The following GLIS3 variants were observed in gnomAD, a reference collection of about 807,000 sequenced individuals.
The protein encoded by GLIS3 is GLIS family zinc finger 3.
Under a neutral mutation model 78.6 loss-of-function variants are expected in GLIS3, and 53 were observed. The observed-to-expected ratio is 0.67, with a 90% confidence interval of 0.54 to 0.85. The LOEUF is 0.85. Ranked by LOEUF, GLIS3 falls within the 40% of genes least tolerant of loss-of-function variation. The pLI is 0.00. For missense variants in GLIS3, 1,703 were observed against 1,231.1 expected (o/e 1.38, Z -5.74); for synonymous variants, 684 against 509.9 (o/e 1.34, Z -4.60).
intron 4 of GLIS3, among the ~76,000 whole-genome samples, chr9:4,002,962 C>CAT (rs1339567410): frequency 6.6e-6 from 1 of 152,196 alleles, no homozygotes; most frequent in African/African-American, 2.4e-5. Context: ...GAGCTAAAGC[C>CAT]ATAGTTGCAT....
chr9:4,118,222 C>T lies in GLIS3; in HGVS notation c.1256G>A (p.Gly419Asp), dbSNP rs1488298556. Residue 419 changes from glycine to aspartate, a missense_variant, in exon 4 of 11, where the codon GGC becomes GAC. Transcript: ENST00000381971. This position sits in a 1 kb window ranked among gnomAD's most constrained non-coding sequence, Gnocchi z 4.7. ...NHMVVQHGLP[G>D]PDSQSAGLFK... Reference sequence around the variant, plus strand: ...CAGGCCGGCCGACTGGCTGTCGGGGCCCGGCAGGCCATGCTGCACCACCAT... The same window carrying T: ...CAGGCCGGCCGACTGGCTGTCGGGGTCCGGCAGGCCATGCTGCACCACCAT... 1 of 1,584,978 alleles carries T rather than the reference C, an allele frequency of 6.3e-7. No individual in the cohort carries two copies. The highest frequency in any genetic ancestry group is 8.6e-7 in the Non-Finnish European group (1 of 1,165,980).
At chr9:4,385,929 T>C in the GLIS3 span, among the ~76,000 whole-genome samples, 2 of 152,190 alleles carry the variant, frequency 1.3e-5, no homozygotes, top group African/African-American at 4.8e-5. Context: ...TTACCATCTG[T>C]ACCAATCATG....
intron 2 of GLIS3, among the ~76,000 whole-genome samples, chr9:4,268,308 A>G (rs1826201202): frequency 6.6e-6 from 1 of 152,196 alleles, no homozygotes; most frequent in Non-Finnish European, 1.5e-5. Flanking sequence ...TCTCATTTAA[A>G]AAATTAAAAT....
At chr9:4,103,994 C>G (rs113213449) in intron 4 of GLIS3, among the ~76,000 whole-genome samples, 1,576 of 152,250 alleles carry the variant, frequency 0.01, 30 homozygotes, top group African/African-American at 0.036. Flanking sequence ...CCTTCTTCTA[C>G]TCTTCTCACC....
At chr9:4,456,848 G>A in the GLIS3 span, among the ~76,000 whole-genome samples, 1 of 152,166 alleles carries the variant, frequency 6.6e-6, no homozygotes, top group Non-Finnish European at 1.5e-5. Context: ...GTTTGCTGTT[G>A]TATATGGGCA....
chr9:3,877,834 G>A (rs1821419807), intron 8 of GLIS3, among the ~76,000 whole-genome samples: 1 of 152,004 alleles, frequency 6.6e-6, no homozygotes, highest in African/African-American at 2.4e-5. Context: ...TCTCCTTCCA[G>A]GTTCAGTTAC....
chr9:4,337,172 A>G (rs1355967956), intron 2 of GLIS3, among the ~76,000 whole-genome samples: 2 of 152,258 alleles, frequency 1.3e-5, no homozygotes, highest in African/African-American at 2.4e-5. Flanking sequence ...AGAATCATTA[A>G]AAGTGCAAAT....
At chr9:3,890,487 C>G (rs10814766) in intron 7 of GLIS3, among the ~76,000 whole-genome samples, 143,966 of 152,152 alleles carry the variant, frequency 0.95, 68,643 homozygotes, top group East Asian at 1. Flanking sequence ...AATAATCCAA[C>G]ATTTTAAGCA....
intron 2 of GLIS3, among the ~76,000 whole-genome samples, chr9:4,216,811 G>C (rs1297087554): frequency 6.6e-6 from 1 of 152,170 alleles, no homozygotes; most frequent in African/African-American, 2.4e-5. Flanking sequence ...ATGTGGGGGA[G>C]GGGCTGTCAT....
chr9:4,443,411 T>A, the GLIS3 span, among the ~76,000 whole-genome samples: 1 of 152,140 alleles, frequency 6.6e-6, no homozygotes, highest in East Asian at 1.9e-4. Flanking sequence ...AATCAATGAA[T>A]GAGAACAAAA....
chr9:4,148,519 G>T (rs1834403379), intron 2 of GLIS3, among the ~76,000 whole-genome samples: 2 of 152,008 alleles, frequency 1.3e-5, no homozygotes, highest in Admixed American at 1.3e-4. Flanking sequence ...TGTCTTTTGT[G>T]CTGTGGATCA....
chr9:3,939,308 T>C (rs181492232), intron 4 of GLIS3, among the ~76,000 whole-genome samples: 92 of 152,342 alleles, frequency 6.0e-4, no homozygotes, highest in African/African-American at 2.1e-3. Context: ...AGTTCTACCA[T>C]AGAGGGATTA....
At chr9:4,359,271 G>A in the GLIS3 span, among the ~76,000 whole-genome samples, 1 of 151,752 alleles carries the variant, frequency 6.6e-6, no homozygotes, top group African/African-American at 2.4e-5. Context: ...TCCATTGCTT[G>A]AGTGGCTGGA....
intron 2 of GLIS3, among the ~76,000 whole-genome samples, chr9:4,178,186 T>G (rs1167795846): frequency 1.3e-5 from 2 of 152,160 alleles, no homozygotes; most frequent in Non-Finnish European, 2.9e-5. Flanking sequence ...GCTGGGTAGG[T>G]GGACTACGCA....
intron 4 of GLIS3, among the ~76,000 whole-genome samples, chr9:4,005,353 A>G (rs1821459905): frequency 6.6e-6 from 1 of 152,230 alleles, no homozygotes; most frequent in Admixed American, 6.5e-5. Context: ...GCATGGATGC[A>G]TATACATAGA....
Position 4,266,740 on chromosome 9 carries a change from T to C in GLIS3, c.388+19298A>G, listed in dbSNP as rs186212692. On this transcript the variant is annotated intron_variant, in intron 2 of 10. Transcript: ENST00000381971. ...AAAATATGATAAATAGTAAAAGCTA[T>C]CCTGATGCAATTCAAAGATTAGAAG... 7.2e-5 allele frequency among the ~76,000 whole-genome samples: 11 copies of C among 152,302 alleles called. No individual in the cohort carries two copies. The East Asian group carries it at 2.1e-3, about 29-fold the overall frequency.
chr9:4,472,125 G>A, the GLIS3 span, among the ~76,000 whole-genome samples: 2 of 152,228 alleles, frequency 1.3e-5, no homozygotes, highest in Admixed American at 1.3e-4. Context: ...TGGAGAGGAT[G>A]TGGAGAAATA....
chr9:4,161,661 T>C (rs73396414), intron 2 of GLIS3, among the ~76,000 whole-genome samples: 4,699 of 146,124 alleles, frequency 0.032, 98 homozygotes, highest in Middle Eastern at 0.098. Context: ...CTCCAAGTTC[T>C]GGATGCTAGA....
intron 4 of GLIS3, chr9:4,305,910 C>G (rs1254367541): frequency 6.6e-6 from 1 of 152,130 alleles, no homozygotes; most frequent in Non-Finnish European, 1.5e-5. Flanking sequence ...TTGTACAAGT[C>G]AGTAAATGCC....
Sources: gnomAD v4.1 joint callset for allele counts (sites outside exome capture counted in the v4.1 genomes callset) on GRCh38, gnomAD v4.1.1 for gene constraint, Gnocchi (gnomAD v3.1) non-coding constraint, MANE v1.5 for transcripts, NCBI Gene and HGNC (gene_info 2026-07-23, HGNC 2026-07-21) for gene names.